GLT8D2: variants seen among roughly 807,000 people sequenced by gnomAD.
The protein encoded by GLT8D2 is glycosyltransferase 8 domain-containing protein 2.
Under a neutral mutation model 44.5 loss-of-function variants are expected in GLT8D2, and 45 were observed. The observed-to-expected ratio is 1.01, with a 90% CI of 0.80 to 1.30. The LOEUF (loss-of-function observed/expected upper bound fraction) is 1.30. GLT8D2 is among the 50% of genes most tolerant of loss of function. The probability of loss-of-function intolerance (pLI) is 0.00; values close to 1 mark genes in which losing one functional copy is unlikely to be tolerated. For missense variants in GLT8D2, 400 were observed against 430.4 expected (o/e 0.93, Z 0.62); for synonymous variants, 156 against 157.2 (o/e 0.99, Z 0.06).
At chr12:104,002,530 A>G (rs1431409710) in intron 5 of GLT8D2, among the ~76,000 whole-genome samples, 2 of 152,216 alleles carry the variant, frequency 1.3e-5, no homozygotes, top group Non-Finnish European at 2.9e-5. Context: ...CTGGGCTCAG[A>G]GAGACACTCT....
At position 103,996,738 on chromosome 12, in the gene GLT8D2, A is replaced by C; in HGVS notation, c.597T>G (p.Leu199=). Reference sequence around the variant, plus strand: ...TTCTGAGACAGCATATGCCCACCTGAAGTCCCACGAGTCTGTTTATGTCCT... The same window carrying C: ...TTCTGAGACAGCATATGCCCACCTGCAGTCCCACGAGTCTGTTTATGTCCT... ...SAQDINRLVG[L]QNTYMGYLDY... The change falls in exon 8 of 11, where the codon CTT becomes CTG. Residue 199 remains leucine, a synonymous_variant. Coordinates refer to ENST00000360814, the MANE Select transcript of GLT8D2 (RefSeq NM_001384711.1). 2 of 1,609,566 alleles carry C rather than the reference A, an allele frequency of 1.2e-6. No individual in the cohort carries two copies. Among genetic ancestry groups the C allele is most frequent in the Non-Finnish European group, 1.7e-6 (2 of 1,176,736 alleles).
intron 1 of GLT8D2, among the ~76,000 whole-genome samples, chr12:104,047,453 C>T (rs1368356219): frequency 6.6e-6 from 1 of 152,010 alleles, no homozygotes; most frequent in Non-Finnish European, 1.5e-5. Context: ...TACAGGCATG[C>T]ACCACCACGC....
intron 1 of GLT8D2, among the ~76,000 whole-genome samples, chr12:104,058,400 T>G (rs1324342871): frequency 6.6e-6 from 1 of 152,216 alleles, no homozygotes; most frequent in Non-Finnish European, 1.5e-5. Context: ...TGTCTCATCC[T>G]CATATTTGAG....
intron 1 of GLT8D2, among the ~76,000 whole-genome samples, chr12:104,048,160 G>T (rs1881364050): frequency 6.6e-6 from 1 of 152,192 alleles, no homozygotes; most frequent in Non-Finnish European, 1.5e-5. Flanking sequence ...CCCCTTGGAT[G>T]AGCTCCAGGG....
intron 4 of GLT8D2, among the ~76,000 whole-genome samples, chr12:104,005,081 A>G (rs1044450519): frequency 7.9e-5 from 12 of 152,178 alleles, no homozygotes; most frequent in Non-Finnish European, 1.3e-4. Flanking sequence ...AACACCACAC[A>G]TCTACAACCA....
chr12:103,995,849 C>G (rs1873349580), intron 8 of GLT8D2, among the ~76,000 whole-genome samples: 1 of 152,172 alleles, frequency 6.6e-6, no homozygotes, highest in Admixed American at 6.5e-5. Context: ...ATACACCAGG[C>G]CCTTTTCTAA....
chr12:104,030,230 G>A (rs965186727), intron 1 of GLT8D2, among the ~76,000 whole-genome samples: 1 of 152,056 alleles, frequency 6.6e-6, no homozygotes, highest in African/African-American at 2.4e-5. Context: ...TCTTCCATAA[G>A]GCACAAAGAA....
intron 10 of GLT8D2, among the ~76,000 whole-genome samples, chr12:103,990,197 TAG>T (rs1359161805): frequency 6.7e-6 from 1 of 150,238 alleles, no homozygotes; most frequent in Non-Finnish European, 1.5e-5. Flanking sequence ...TCAATTTTGA[TAG>T]AGATTGCCGC....
chr12:103,991,975 C>T (rs1043634220), intron 10 of GLT8D2, among the ~76,000 whole-genome samples: 4 of 152,116 alleles, frequency 2.6e-5, no homozygotes, highest in African/African-American at 9.7e-5. Context: ...ATATCCATTG[C>T]CTACAATTCT....
rs376983973 is a variant in GLT8D2 at position 104,022,080 on chromosome 12, A to AAAAG, written c.-163-593_-163-590dup. 4.1e-3 allele frequency among the ~76,000 whole-genome samples: 555 copies of AAAAG among 134,208 alleles called. 27 individuals carry two copies. Among genetic ancestry groups the AAAAG allele is most frequent in the African/African-American group, 0.013 (462 of 34,266 alleles). The allele number at this position is 134,208 out of a possible 152,430, so 88.0% of individuals were successfully genotyped here. A position where few individuals can be genotyped will look rare whatever the true frequency, so the allele number is the denominator to read the frequency against. ...AGGGAAAGAAAGAAAGAAAGAAAAA[A>AAAAG]AAAGAAAGAAAGAAAGAAGAAAAGA... On this transcript the variant is annotated intron_variant, in intron 1 of 10. Coordinates refer to ENST00000360814, the MANE Select transcript of GLT8D2 (RefSeq NM_001384711.1).
chr12:104,003,261 AC>A lies in GLT8D2; in HGVS notation c.157del (p.Val53TrpfsTer2), dbSNP rs756846671. ...CCTCCCTGCTGCAGCACAAATCACC[AC>A]AGGAATCTCTTCTTCCAGTTCTTCA... Reference protein sequence around the residue: ...TPEELEEEIPVVICAAAGRMG... With the variant: ...TPEELEEEIPXVICAAAGRMG... On this transcript the variant is annotated frameshift_variant, in exon 5 of 11. Coordinates refer to ENST00000360814, the MANE Select transcript of GLT8D2 (RefSeq NM_001384711.1). LOFTEE classifies it high-confidence loss of function. The A allele has an allele frequency of 6.2e-7, 1 of 1,614,112 alleles. No homozygotes were observed.
At chr12:104,014,483 A>G (rs1052905791) in intron 4 of GLT8D2, 1 of 570,800 alleles carries the variant, frequency 1.8e-6, no homozygotes, top group African/African-American at 1.9e-5. Flanking sequence ...GGAGGGAAAC[A>G]TGGTTCTCAG....
intron 2 of GLT8D2, among the ~76,000 whole-genome samples, chr12:104,020,023 G>A (rs972065339): frequency 6.6e-6 from 1 of 151,966 alleles, no homozygotes; most frequent in South Asian, 2.1e-4. Context: ...AGGTTCAAGC[G>A]ATCTTCCTTC....
chr12:104,046,599 C>G (rs1230618737), intron 1 of GLT8D2, among the ~76,000 whole-genome samples: 1 of 152,166 alleles, frequency 6.6e-6, no homozygotes, highest in Non-Finnish European at 1.5e-5. Context: ...AAGACTTGCA[C>G]CCTGAAGTTC....
intron 1 of GLT8D2, among the ~76,000 whole-genome samples, chr12:104,022,860 C>G (rs1464182493): frequency 6.6e-6 from 1 of 152,112 alleles, no homozygotes; most frequent in South Asian, 2.1e-4. Context: ...ATCAACCATT[C>G]TCATGTTCTA....
chr12:104,016,763 GA>G lies in GLT8D2; in HGVS notation c.20-1659del, dbSNP rs1192096553. On this transcript the variant is annotated intron_variant, in intron 3 of 10. Coordinates refer to ENST00000360814, the MANE Select transcript of GLT8D2 (RefSeq NM_001384711.1). ...AGAAAGAAAGAAAGAAAGAAAGAAA[GA>G]AAGAAAGAAAGAAGGAAGGAAGGAA... 6.8e-3 allele frequency among the ~76,000 whole-genome samples: 628 copies of G among 92,984 alleles called. 2 individuals carry two copies. The highest frequency in any genetic ancestry group is 0.019 in the African/African-American group (453 of 23,636). The allele number at this position is 92,984 out of a possible 152,430, so 61.0% of individuals were successfully genotyped here.
intron 4 of GLT8D2, among the ~76,000 whole-genome samples, chr12:104,013,764 C>G (rs990437375): frequency 7.9e-5 from 12 of 152,094 alleles, no homozygotes; most frequent in Non-Finnish European, 1.6e-4. Context: ...TAACTGTATT[C>G]AGAGTCTCAC....
chr12:104,043,302 A>G (rs2136483683), intron 1 of GLT8D2, among the ~76,000 whole-genome samples: 1 of 152,100 alleles, frequency 6.6e-6, no homozygotes, highest in South Asian at 2.1e-4. Context: ...AAACTCCCAA[A>G]TTTCTATCTC....
chr12:104,019,983 G>A (rs909207980), intron 2 of GLT8D2, among the ~76,000 whole-genome samples: 12 of 151,966 alleles, frequency 7.9e-5, no homozygotes, highest in South Asian at 2.1e-4. Flanking sequence ...GCAGTGGTGC[G>A]ATCTTGGCTC....
Sources: gnomAD v4.1 joint callset for allele counts (sites outside exome capture counted in the v4.1 genomes callset) on GRCh38, gnomAD v4.1.1 for gene constraint, MANE v1.5 for transcripts, NCBI Gene and HGNC (gene_info 2026-07-23, HGNC 2026-07-21) for gene names.